The following NBPF8 variants were observed in gnomAD, a reference collection of about 807,000 sequenced individuals.
NBPF8 encodes the protein NBPF family member NBPF8.
chr1:120,460,470 T>C (rs9424636), intron 17 of NBPF8, 103 bp from the exon 16 acceptor site: 23 of 819,320 alleles, frequency 2.8e-5, no homozygotes, highest in Admixed American at 1.5e-4. Flanking sequence ...TGTTCTCACA[T>C]TGACAAGACT....
At chr1:120,428,520 A>C (rs1357984959) in intron 3 of NBPF8, among the ~76,000 whole-genome samples, 1 of 151,938 alleles carries the variant, frequency 6.6e-6, no homozygotes, top group African/African-American at 2.4e-5. Context: ...TTCTTTTATG[A>C]TGAAGGAGAA....
At chr1:120,460,506 G>T in intron 17 of NBPF8, 67 bp from the exon 16 acceptor site, 1 of 904,660 alleles carries the variant, frequency 1.1e-6, no homozygotes, top group Non-Finnish European at 1.8e-6. Context: ...GGATTGGACA[G>T]AGGAATGTTT....
intron 3 of NBPF8, among the ~76,000 whole-genome samples, chr1:120,428,796 A>T (rs1352590005): frequency 2.7e-5 from 4 of 150,144 alleles, no homozygotes; most frequent in Non-Finnish European, 5.9e-5. Flanking sequence ...CCCCAATGCC[A>T]TGTAGCACTT....
Position 120,436,704 on chromosome 1 carries a change from T to A in NBPF8, n.345+7T>A, listed in dbSNP as rs1661094075. ...AACCGACAGAAGAAATACAGTAAGA[T>A]CTATAGGCTCACCGTCATGAAAGTG... On this transcript the variant is annotated splice_region_variant and intron_variant and non_coding_transcript_variant, in intron 1 of 24. Coordinates refer to ENST00000583271, the Ensembl canonical transcript of NBPF8. 8.1e-7 allele frequency: 1 copy of A among 1,234,542 alleles called. No individual in the cohort carries two copies. The allele number at this position is 1,234,542 out of a possible 1,614,324, so 76.5% of individuals were successfully genotyped here.
At chr1:120,425,629 T>C (rs2101507702) in intron 1 of NBPF8, among the ~76,000 whole-genome samples, 1 of 152,166 alleles carries the variant, frequency 6.6e-6, no homozygotes, top group East Asian at 1.9e-4. Flanking sequence ...TTTTTCTTTC[T>C]CTGTACTTTG....
exon 25 of NBPF8, chr1:120,466,084 C>G (rs1661740408): frequency 2.5e-6 from 4 of 1,611,648 alleles, no homozygotes; most frequent in Admixed American, 3.3e-5. Context: ...TGACTCATTC[C>G]AGCACTACAG....
Position 120,461,350 on chromosome 1 carries a change from T to G in NBPF8, n.2933T>G. 3 of 1,067,644 alleles carry G rather than the reference T, an allele frequency of 2.8e-6. No homozygotes were observed. The South Asian group carries it at 3.8e-5, about 14-fold the overall frequency. 66.1% of individuals were successfully genotyped at this position (1,067,644 alleles called of 1,614,324 possible). ...CTCCTTCAGGTTGCCTTGAACTGAC[T>G]GACTCATGCCAGCCCTACAGAAGTG... is the stretch of plus-strand genomic sequence containing the variant. On this transcript the variant is annotated non_coding_transcript_exon_variant, in exon 19 of 25. Coordinates refer to ENST00000583271, the Ensembl canonical transcript of NBPF8.
At chr1:120,436,636 C>T (rs1399597267) in exon 1 of NBPF8, 1 of 1,569,258 alleles carries the variant, frequency 6.4e-7, no homozygotes, top group Non-Finnish European at 8.6e-7. Context: ...TCGTAAACCT[C>T]AAAGAGAGAT....
At chr1:120,436,482 C>T in exon 1 of NBPF8, 1 of 1,361,888 alleles carries the variant, frequency 7.3e-7, no homozygotes, top group Non-Finnish European at 1.0e-6. Context: ...GGTTTCTTCT[C>T]CCCAGTCCCT....
chr1:120,420,400 C>A (rs1660540825), intron 1 of NBPF8, among the ~76,000 whole-genome samples: 1 of 136,012 alleles, frequency 7.4e-6, no homozygotes, highest in South Asian at 2.2e-4. Context: ...CATCCCACTC[C>A]TTGCTCTTCC....
At chr1:120,463,923 C>T (rs1661658605) in intron 22 of NBPF8, among the ~76,000 whole-genome samples, 196 bp downstream of exon 20, 1 of 29,478 alleles carries the variant, frequency 3.4e-5, no homozygotes, top group South Asian at 8.7e-4. Flanking sequence ...ATTTACTAAC[C>T]TACTGTAGGT....
exon 25 of NBPF8, chr1:120,467,727 C>A (rs1318367382): frequency 1.3e-4 from 20 of 151,866 alleles, no homozygotes; most frequent in African/African-American, 4.6e-4. Flanking sequence ...CAATTAAAAC[C>A]TTTTGCCTAT....
rs1275875053 is a variant in NBPF8, at chr1:120,456,304, A to G, written n.2620+844A>G. Among the ~76,000 whole-genome samples the G allele has an allele frequency of 7.3e-5, 11 of 150,768 alleles. No homozygotes were observed. The South Asian group carries it at 1.9e-3, about 26-fold the overall frequency. ...GTCTGCTTGGTGGAGAGCTGAGTTCAAGTCCTGGATATCCTTGTTAAGCTT... is the reference window on the plus strand; with the variant it reads ...GTCTGCTTGGTGGAGAGCTGAGTTCGAGTCCTGGATATCCTTGTTAAGCTT... On this transcript the variant is annotated intron_variant and non_coding_transcript_variant, in intron 16 of 24. Transcript: ENST00000583271.
chr1:120,427,977 A>G (rs1431532166), intron 3 of NBPF8, among the ~76,000 whole-genome samples, 130 bp downstream of exon 3: 1 of 152,196 alleles, frequency 6.6e-6, no homozygotes, highest in Non-Finnish European at 1.5e-5. Context: ...TATCACTTTA[A>G]ATGATGATGT....
downstream of NBPF8, among the ~76,000 whole-genome samples, chr1:120,467,981 T>A (rs1444171537): frequency 2.0e-5 from 3 of 151,972 alleles, no homozygotes; most frequent in Admixed American, 6.6e-5. Flanking sequence ...TGTCTGTGTG[T>A]GCCTTTGGCA....
chr1:120,452,632 A>T (rs1661314098), intron 13 of NBPF8, among the ~76,000 whole-genome samples: 1 of 31,988 alleles, frequency 3.1e-5, no homozygotes, highest in African/African-American at 1.1e-4. Context: ...TGTTAGAGTG[A>T]AAAGAGCTCT....
chr1:120,423,204 C>T lies in NBPF8; in HGVS notation n.270-2543C>T, dbSNP rs1275168048. 1.7e-4 allele frequency among the ~76,000 whole-genome samples: 23 copies of T among 132,534 alleles called. 1 individual carries two copies. Among genetic ancestry groups the T allele is most frequent in the Non-Finnish European group, 2.9e-4 (19 of 64,850 alleles). 86.9% of individuals were successfully genotyped at this position (132,534 alleles called of 152,430 possible). A position where few individuals can be genotyped will look rare whatever the true frequency, so the allele number is the denominator to read the frequency against. On this transcript the variant is annotated intron_variant and non_coding_transcript_variant, in intron 1 of 28. Transcript: ENST00000652355. ...GTATCTAAGAAGCCATCATTGAACCCAGGATCCCTCAGATTTTCTCCTATT... is the reference window on the plus strand; with the variant it reads ...GTATCTAAGAAGCCATCATTGAACCTAGGATCCCTCAGATTTTCTCCTATT...
chr1:120,462,044 T>C (rs1488075856), intron 19 of NBPF8, 102 bp from the exon 18 acceptor site: 7 of 315,894 alleles, frequency 2.2e-5, no homozygotes, highest in Non-Finnish European at 3.9e-5. Flanking sequence ...CCTATTCTCA[T>C]GCTGAGGAGC....
intron 11 of NBPF8, among the ~76,000 whole-genome samples, chr1:120,450,297 C>G (rs1661229465): frequency 6.6e-6 from 1 of 151,910 alleles, no homozygotes; most frequent in South Asian, 2.1e-4. Flanking sequence ...GAGTGAAGTC[C>G]TGCTTCCTGG....
Sources: gnomAD v4.1 joint callset for allele counts (sites outside exome capture counted in the v4.1 genomes callset) on GRCh38, gnomAD v4.1.1 for gene constraint, MANE v1.5 for transcripts, NCBI Gene and HGNC (gene_info 2026-07-23, HGNC 2026-07-21) for gene names.